Variants in CERS1 observed in about 807,000 individuals in gnomAD.
CERS1 encodes ceramide synthase 1, also known as Embryonic growth/differentiation factor 1.
A neutral mutation model predicts 35.7 loss-of-function variants in CERS1; 16 were observed. The observed-to-expected ratio is 0.45, with a 90% confidence interval of 0.30 to 0.68. The LOEUF (loss-of-function observed/expected upper bound fraction) is 0.68. Ranked by LOEUF, CERS1 falls within the 30% of genes least tolerant of loss-of-function variation. The pLI is 0.08. For synonymous variants in CERS1, 243 were observed against 201.6 expected (o/e 1.21, Z -1.74); for missense variants, 454 against 453.9 (o/e 1.00, Z 0.00).
At chr19:18,876,029 T>C (rs2056054769) in intron 6 of CERS1, among the ~76,000 whole-genome samples, 1 of 152,238 alleles carries the variant, frequency 6.6e-6, no homozygotes, top group African/African-American at 2.4e-5. Flanking sequence ...ATAGAGTTCC[T>C]GGGAAAGTAA....
intron 3 of CERS1, among the ~76,000 whole-genome samples, chr19:18,881,390 T>G (rs1053763409): frequency 1.3e-5 from 2 of 151,848 alleles, no homozygotes; most frequent in Non-Finnish European, 2.9e-5. Flanking sequence ...CCAGTTAATT[T>G]TGTATTTTTA....
chr19:18,872,704 TGCG>T (rs2055995376), intron 6 of CERS1, among the ~76,000 whole-genome samples: 1 of 48,272 alleles, frequency 2.1e-5, no homozygotes. Flanking sequence ...TTAGTAGAGA[TGCG>T]GTTTTACCAT....
intron 2 of CERS1, among the ~76,000 whole-genome samples, chr19:18,886,943 C>T (rs2056376680): frequency 6.6e-6 from 1 of 152,210 alleles, no homozygotes. Flanking sequence ...ACTGTTTGTC[C>T]ACTCTCCTCA....
chr19:18,880,975 A>G (rs931567023), intron 3 of CERS1, among the ~76,000 whole-genome samples: 34 of 152,210 alleles, frequency 2.2e-4, no homozygotes, highest in Non-Finnish European at 3.5e-4. Flanking sequence ...CTGGGATTAC[A>G]GGCGCGAGCC....
chr19:18,871,963 G>A (rs1043636959), intron 6 of CERS1, among the ~76,000 whole-genome samples: 16 of 152,344 alleles, frequency 1.1e-4, no homozygotes, highest in African/African-American at 3.4e-4. Flanking sequence ...TTTGGTATAA[G>A]GTGGGGGTTT....
At chr19:18,871,737 G>A (rs746848198) in intron 6 of CERS1, among the ~76,000 whole-genome samples, 22 of 152,282 alleles carry the variant, frequency 1.4e-4, no homozygotes, top group Non-Finnish European at 3.2e-4. Flanking sequence ...CCCCATCCAA[G>A]GACTGTTGGT....
rs1299007695 is a variant in CERS1 at position 18,895,142 on chromosome 19, AC to A, written c.249+681del. Among the ~76,000 whole-genome samples the A allele has an allele frequency of 6.6e-6, 1 of 152,202 alleles. No individual in the cohort carries two copies. The highest frequency in any genetic ancestry group is 2.4e-5 in the African/African-American group (1 of 41,458). ...GGGCCATGTCACCTCCAAGGGAGCG[AC>A]CACTGGCGTGGCCAGAGCACCCAGG... is the stretch of plus-strand genomic sequence containing the variant. On this transcript the variant is annotated intron_variant, in intron 1 of 7. Coordinates refer to ENST00000623882, the MANE Select transcript of CERS1 (RefSeq NM_021267.5). This position sits in a 1 kb window ranked among gnomAD's most constrained non-coding sequence, Gnocchi z 6.4.
Position 18,869,006 on chromosome 19 carries a change from A to C in CERS1, c.*979T>G. 1.8e-6 allele frequency: 2 copies of C among 1,097,374 alleles called. No homozygotes were observed. Among genetic ancestry groups the C allele is most frequent in the South Asian group, 8.3e-5 (2 of 24,080 alleles). The allele number at this position is 1,097,374 out of a possible 1,614,324, so 68.0% of individuals were successfully genotyped here. On this transcript the variant is annotated 3_prime_UTR_variant, in exon 8 of 8. Coordinates refer to ENST00000623882, the MANE Select transcript of CERS1 (RefSeq NM_021267.5). ...GCACAGGCGCGGGTCGAGGGTCACC[A>C]GCAGCAGCGAGGCCTCGGCCAGGCG... is the stretch of plus-strand genomic sequence containing the variant.
At position 18,878,216 on chromosome 19, in the gene CERS1, C is replaced by A; in HGVS notation, c.1010+714G>T. On this transcript the variant is annotated intron_variant, in intron 6 of 7. Coordinates refer to ENST00000623882, the MANE Select transcript of CERS1 (RefSeq NM_021267.5). This position sits in a 1 kb window ranked among gnomAD's most constrained non-coding sequence, Gnocchi z 4.6. ...CTGCCCCGGCTCCTGCTCAAACACT[C>A]CTCACGTTGCCTATGAGACACTGCA... is the stretch of plus-strand genomic sequence containing the variant. 2.0e-6 allele frequency: 2 copies of A among 985,658 alleles called. No homozygotes were observed. Among genetic ancestry groups the A allele is most frequent in the Non-Finnish European group, 2.4e-6 (2 of 830,154 alleles). 61.1% of individuals were successfully genotyped at this position (985,658 alleles called of 1,614,324 possible). A position where few individuals can be genotyped will look rare whatever the true frequency, so the allele number is the denominator to read the frequency against.
intron 3 of CERS1, among the ~76,000 whole-genome samples, chr19:18,881,170 C>T (rs557530851): frequency 3.3e-5 from 5 of 151,912 alleles, no homozygotes; most frequent in Admixed American, 2.0e-4. Flanking sequence ...GCCTGGCCAT[C>T]GCTGCAGGAA....
At chr19:18,887,047 G>A (rs904960345) in intron 2 of CERS1, among the ~76,000 whole-genome samples, 3 of 152,224 alleles carry the variant, frequency 2.0e-5, no homozygotes, top group Admixed American at 1.3e-4. Context: ...GGGACTCAAA[G>A]AGATACTCAT....
chr19:18,880,500 G>A (rs1568299032), intron 3 of CERS1, 65 bp from the exon 4 acceptor site: 2 of 1,467,300 alleles, frequency 1.4e-6, no homozygotes, highest in African/African-American at 1.4e-5. Context: ...TCTGCACTAA[G>A]GCCCCCAGCA....
In CERS1 at chr19:18,879,038, T is replaced by C. The variant is rs894308138; in HGVS notation, c.902A>G (p.Tyr301Cys). ...LTLMNLYWFL[Y>C]IVAFAAKVLT... ...CACCTTGGCTGCAAACGCCACGATG[T>C]ACTGCGAGAGGGGAGGGGAGGTGCC... Residue 301 changes from tyrosine (Y) to cysteine (C), a missense_variant and splice_region_variant, in exon 6 of 8, where the codon TAC (tyrosine) becomes TGC (cysteine). Physicochemically the swap from Tyr to Cys is radical, Grantham distance 194. Transcript: ENST00000623882. 6.2e-7 allele frequency: 1 copy of C among 1,613,268 alleles called. No individual in the cohort carries two copies. The highest frequency in any genetic ancestry group is 1.3e-5 in the African/African-American group (1 of 74,920).
At chr19:18,888,948 G>A (rs2056429857) in intron 2 of CERS1, among the ~76,000 whole-genome samples, 1 of 144,052 alleles carries the variant, frequency 6.9e-6, no homozygotes, top group African/African-American at 2.6e-5. Flanking sequence ...CTGGAGTGCA[G>A]TAGCATGATC....
chr19:18,895,583 C>G lies in CERS1; in HGVS notation c.249+241G>C, dbSNP rs2056605752. 6.6e-6 allele frequency among the ~76,000 whole-genome samples: 1 copy of G among 152,002 alleles called. No homozygotes were observed. The highest frequency in any genetic ancestry group is 6.5e-5 in the Admixed American group (1 of 15,276). ...TCACCCCAGCCCGGCCACACCCCCG[C>G]ATCTACCCGGTTCCCCCACGCAGCA... On this transcript the variant is annotated intron_variant, in intron 1 of 7. Transcript: ENST00000623882. This position sits in a 1 kb window ranked among gnomAD's most constrained non-coding sequence, Gnocchi z 6.4.
chr19:18,873,689 A>G (rs1386757760), intron 6 of CERS1, among the ~76,000 whole-genome samples: 2 of 150,744 alleles, frequency 1.3e-5, no homozygotes, highest in Non-Finnish European at 3.0e-5. Flanking sequence ...AAAAAATACA[A>G]CTATTAGCCA....
chr19:18,880,035 C>G (rs543511776), intron 4 of CERS1, among the ~76,000 whole-genome samples: 1 of 151,664 alleles, frequency 6.6e-6, no homozygotes, highest in African/African-American at 2.4e-5. Flanking sequence ...CCTCACCTGG[C>G]TTATCCTTTT....
intron 1 of CERS1, among the ~76,000 whole-genome samples, chr19:18,894,812 G>C (rs929901457): frequency 3.3e-5 from 5 of 152,140 alleles, no homozygotes; most frequent in Admixed American, 6.5e-5. Flanking sequence ...ACCTCACAAG[G>C]GCCAGCCTCT....
Position 18,869,068 on chromosome 19 carries a change from C to A in CERS1, c.*917G>T, listed in dbSNP as rs929541928. ...CAGGGGCCCGGGGGCGTAGCGCCAG[C>A]GCCAGGCGGAGGCTGCGCGGCCATG... On this transcript the variant is annotated 3_prime_UTR_variant, in exon 8 of 8. Coordinates refer to ENST00000623882, the MANE Select transcript of CERS1 (RefSeq NM_021267.5). The A allele has an allele frequency of 1.9e-6, 2 of 1,059,398 alleles. No homozygotes were observed. Among genetic ancestry groups the A allele is most frequent in the African/African-American group, 3.4e-5 (2 of 58,194 alleles). 65.6% of individuals were successfully genotyped at this position (1,059,398 alleles called of 1,614,324 possible).
Sources: allele counts gnomAD v4.1 joint callset (sites outside exome capture counted in the v4.1 genomes callset), GRCh38; gene constraint gnomAD v4.1.1; non-coding constraint Gnocchi (gnomAD v3.1); transcripts MANE v1.5; gene names NCBI Gene and HGNC (gene_info 2026-07-23, HGNC 2026-07-21).